The following DHCR24 variants were observed in gnomAD, a reference collection of about 807,000 sequenced individuals.
DHCR24 encodes the protein delta(24)-sterol reductase.
A neutral mutation model predicts 61.2 loss-of-function variants in DHCR24; 28 were observed. The observed-to-expected ratio is 0.46, with a 90% CI of 0.34 to 0.63. DHCR24 has a LOEUF of 0.63. Among genes scored for constraint, DHCR24 ranks in the 20% least tolerant of loss-of-function variants. DHCR24 has a pLI of 0.01. For synonymous variants in DHCR24, 261 were observed against 275.9 expected, an observed-to-expected ratio of 0.95 and a Z score of 0.54; for missense variants, 538 against 679.1, an observed-to-expected ratio of 0.79 and a Z score of 2.31.
At chr1:54,886,661 T>A (rs1458022310) in intron 1 of DHCR24, 1 of 1,504,512 alleles carries the variant, frequency 6.6e-7, no homozygotes, top group Non-Finnish European at 8.9e-7. Flanking sequence ...TTCATCTCCC[T>A]CCAGGTACCC....
Position 54,883,786 on chromosome 1 carries a change from G to T in DHCR24, c.232-13C>A, listed in dbSNP as rs1177684292. 1.9e-6 allele frequency: 3 copies of T among 1,613,774 alleles called. No homozygotes were observed. In the East Asian group the frequency reaches 6.7e-5, roughly 36 times the overall value. On this transcript the variant is annotated splice_polypyrimidine_tract_variant and intron_variant, in intron 1 of 8. Transcript: ENST00000371269. The surrounding 1 kb of genome is among the most constrained non-coding windows in gnomAD (Gnocchi z 4.3). ...TCCATTCCCGCACCTGCAACCACAG[G>T]ACAGAGGGTGAGCTGGCCCCACTGG...
chr1:54,864,260 T>C (rs1366972520), intron 6 of DHCR24, among the ~76,000 whole-genome samples: 1 of 152,218 alleles, frequency 6.6e-6, no homozygotes, highest in Admixed American at 6.5e-5. Context: ...TGAAGGTTTG[T>C]AGCAGCACTG....
chr1:54,875,813 G>A, intron 3 of DHCR24, 129 bp downstream of exon 3: 1 of 757,598 alleles, frequency 1.3e-6, no homozygotes, highest in Non-Finnish European at 2.4e-6. Context: ...AGGCAAGTAA[G>A]AGACTGAATG....
intron 6 of DHCR24, among the ~76,000 whole-genome samples, chr1:54,857,045 A>G (rs993530861): frequency 2.0e-5 from 3 of 152,260 alleles, no homozygotes; most frequent in Non-Finnish European, 4.4e-5. Flanking sequence ...TTTTCCTAAA[A>G]ATAGTCAACT....
At chr1:54,870,082 C>G (rs1380510162) in intron 5 of DHCR24, among the ~76,000 whole-genome samples, 2 of 151,268 alleles carry the variant, frequency 1.3e-5, no homozygotes, top group Non-Finnish European at 1.5e-5. Context: ...TTTAACTGGA[C>G]ATGGTGGCAC....
intron 1 of DHCR24, 114 bp downstream of exon 1, chr1:54,886,775 C>G (rs538320175): frequency 2.9e-4 from 444 of 1,518,302 alleles, no homozygotes; most frequent in Admixed American, 3.0e-4. Flanking sequence ...TCCCCACCCC[C>G]CCAGGAAGTC....
At chr1:54,856,725 G>A (rs776767660) in intron 6 of DHCR24, among the ~76,000 whole-genome samples, 6 of 152,108 alleles carry the variant, frequency 3.9e-5, no homozygotes, top group Non-Finnish European at 8.8e-5. Flanking sequence ...AATATACTTC[G>A]TATATGTTAT....
At chr1:54,878,912 C>G (rs972071991) in intron 2 of DHCR24, among the ~76,000 whole-genome samples, 8 of 152,186 alleles carry the variant, frequency 5.3e-5, no homozygotes, top group African/African-American at 1.9e-4. Context: ...ATCAATCAAT[C>G]AAACAGACCC....
intron 6 of DHCR24, among the ~76,000 whole-genome samples, chr1:54,855,277 C>T (rs1484976240): frequency 1.3e-5 from 2 of 152,092 alleles, no homozygotes; most frequent in African/African-American, 2.4e-5. Flanking sequence ...GCCTGTAGTC[C>T]CAGCTACTCA....
At chr1:54,854,655 G>A (rs1321197256) in intron 6 of DHCR24, among the ~76,000 whole-genome samples, 2 of 152,230 alleles carry the variant, frequency 1.3e-5, no homozygotes, top group African/African-American at 4.8e-5. Flanking sequence ...AACGAATGCT[G>A]TTGAATGAGC....
rs753674354 is a variant in DHCR24, at chr1:54,886,853, C to T, written c.231+36G>A. 10 of 1,604,968 alleles carry T rather than the reference C, an allele frequency of 6.2e-6. No individual in the cohort carries two copies. In the African/African-American group the frequency reaches 1.3e-4, roughly 21 times the overall value. On this transcript the variant is annotated intron_variant, in intron 1 of 8. Coordinates refer to ENST00000371269, the MANE Select transcript of DHCR24 (RefSeq NM_014762.4). ...CCGCTATCCCCGCGCACGCCGCCTC[C>T]GGCCCTGAGTCCCGGCCGCACCCGG...
chr1:54,870,764 C>A (rs1646994210), intron 5 of DHCR24, among the ~76,000 whole-genome samples: 1 of 152,256 alleles, frequency 6.6e-6, no homozygotes, highest in African/African-American at 2.4e-5. Context: ...ATTAGCAACA[C>A]TGGCTTTGGG....
chr1:54,873,987 T>TA (rs888591123), intron 4 of DHCR24, among the ~76,000 whole-genome samples: 2 of 151,520 alleles, frequency 1.3e-5, no homozygotes, highest in Admixed American at 6.6e-5. Flanking sequence ...TTTAACAAGT[T>TA]AAAAAAAAAG....
At chr1:54,852,444 A>T in intron 8 of DHCR24, 58 bp from the exon 9 acceptor site, 2 of 1,595,588 alleles carry the variant, frequency 1.3e-6, no homozygotes, top group South Asian at 2.2e-5. Flanking sequence ...GCGAGGCGTG[A>T]GAGAAACCCA....
At chr1:54,853,960 T>A in intron 7 of DHCR24, 77 bp downstream of exon 7, 1 of 1,428,840 alleles carries the variant, frequency 7.0e-7, no homozygotes, top group Non-Finnish European at 9.6e-7. Flanking sequence ...CCAAGGTCGG[T>A]CACACGGTTC....
intron 6 of DHCR24, among the ~76,000 whole-genome samples, chr1:54,855,690 C>T (rs1448245939): frequency 2.6e-5 from 4 of 152,210 alleles, no homozygotes; most frequent in East Asian, 1.9e-4. Flanking sequence ...CTGGAGCTGC[C>T]GGACCACTCC....
Position 54,850,938 on chromosome 1 carries a change from T to A in DHCR24, c.*1295A>T, listed in dbSNP as rs1192055092. ...ACGCCACAACCATGACTGGCTCAGC[T>A]CCCTTAATTCCAGCTTCCCTTACAT... On this transcript the variant is annotated 3_prime_UTR_variant, in exon 9 of 9. Coordinates refer to ENST00000371269, the MANE Select transcript of DHCR24 (RefSeq NM_014762.4). 2.0e-5 allele frequency: 3 copies of A among 152,256 alleles called. No homozygotes were observed. The highest frequency in any genetic ancestry group is 7.2e-5 in the African/African-American group (3 of 41,424). The allele number at this position is 152,256 out of a possible 1,614,324, so 9.4% of individuals were successfully genotyped here. A position where few individuals can be genotyped will look rare whatever the true frequency, so the allele number is the denominator to read the frequency against.
chr1:54,864,261 A>G (rs1320943221), intron 6 of DHCR24, among the ~76,000 whole-genome samples: 1 of 152,376 alleles, frequency 6.6e-6, no homozygotes, highest in East Asian at 1.9e-4. Flanking sequence ...GAAGGTTTGT[A>G]GCAGCACTGT....
chr1:54,877,296 C>T (rs1180990813), intron 2 of DHCR24, among the ~76,000 whole-genome samples: 1 of 151,804 alleles, frequency 6.6e-6, no homozygotes, highest in East Asian at 2.0e-4. Flanking sequence ...TAACACTATA[C>T]TATGACCATC....
Sources: gnomAD v4.1 joint callset for allele counts (sites outside exome capture counted in the v4.1 genomes callset) on GRCh38, gnomAD v4.1.1 for gene constraint, Gnocchi (gnomAD v3.1) non-coding constraint, MANE v1.5 for transcripts, NCBI Gene and HGNC (gene_info 2026-07-23, HGNC 2026-07-21) for gene names.